USP19: variants seen among roughly 807,000 people sequenced by gnomAD.
The protein encoded by USP19 is ubiquitin carboxyl-terminal hydrolase 19.
A neutral mutation model predicts 144.8 loss-of-function variants in USP19; 40 were observed. The observed-to-expected ratio is 0.28, with a 90% CI of 0.21 to 0.36. USP19 has a LOEUF of 0.36. USP19 is among the 10% of genes least tolerant of loss of function. The pLI is 1.00. For synonymous variants in USP19, 701 were observed against 709.3 expected (o/e 0.99, Z 0.19); for missense variants, 1,518 against 1,822.5 (o/e 0.83, Z 3.04).
chr3:49,119,584 G>C (rs959284557), intron 1 of USP19, among the ~76,000 whole-genome samples: 1 of 152,240 alleles, frequency 6.6e-6, no homozygotes, highest in Non-Finnish European at 1.5e-5. Flanking sequence ...ATCTGGAGAG[G>C]AGCCACGGCT....
chr3:49,108,583 T>G lies in USP19; in HGVS notation c.4039-55A>C. The G allele has an allele frequency of 8.0e-7, 1 of 1,256,124 alleles. No homozygotes were observed. Among genetic ancestry groups the G allele is most frequent in the South Asian group, 2.7e-5 (1 of 36,814 alleles). The allele number at this position is 1,256,124 out of a possible 1,614,324, so 77.8% of individuals were successfully genotyped here. On this transcript the variant is annotated intron_variant, in intron 26 of 26. Transcript: ENST00000417901. This position sits in a 1 kb window ranked among gnomAD's most constrained non-coding sequence, Gnocchi z 4.8. ...GGGCTGCCCAGCATGCCGCCTGGCA[T>G]CCCGGGGGTGCTGGCTTGGAGCCCT...
chr3:49,117,685 T>C lies in USP19; in HGVS notation c.444A>G (p.Thr148=). ...CAAACCGCACCACACAGTCTGTATC[T>C]GTGAAAGCAGCATCTACATCCTCCA... is the stretch of plus-strand genomic sequence containing the variant. ...LQLEDVDAAF[T]DTDCVVRFAG... Residue 148 remains threonine, a synonymous_variant, in exon 4 of 27, where the codon ACA becomes ACG. Transcript: ENST00000417901. The surrounding 1 kb of genome is among the most constrained non-coding windows in gnomAD (Gnocchi z 4.4). 1.2e-6 allele frequency: 2 copies of C among 1,614,186 alleles called. No individual in the cohort carries two copies. The highest frequency in any genetic ancestry group is 1.7e-6 in the Non-Finnish European group (2 of 1,180,028).
rs1387733226 is a variant in USP19, at chr3:49,112,275, G to A, written c.2765+9C>T. 1.2e-6 allele frequency: 2 copies of A among 1,601,664 alleles called. No individual in the cohort carries two copies. The highest frequency in any genetic ancestry group is 1.1e-5 in the South Asian group (1 of 89,478). On this transcript the variant is annotated intron_variant, in intron 19 of 26. Transcript: ENST00000417901. This position sits in a 1 kb window ranked among gnomAD's most constrained non-coding sequence, Gnocchi z 4.9. ...AAGAAAGGGTAGGGGAGACCATGGG[G>A]GTCCTCACTGGTTGCAGTAGCCCAC...
intron 1 of USP19, among the ~76,000 whole-genome samples, chr3:49,120,204 A>G (rs1386815261): frequency 6.6e-6 from 1 of 152,204 alleles, no homozygotes; most frequent in Admixed American, 6.5e-5. Context: ...CCTGGCCTGA[A>G]CCAGTAGCAG....
chr3:49,116,227 G>C lies in USP19; in HGVS notation c.1355+53C>G, dbSNP rs934489794. The C allele has an allele frequency of 7.4e-6, 12 of 1,613,546 alleles. No homozygotes were observed. The African/African-American group carries it at 1.6e-4, about 22-fold the overall frequency. Reference sequence around the variant, plus strand: ...AGCATCAGGATAGATGAGCCAGGGAGATGGAGCCCACGGGGTAGGACAGGC... The same window carrying C: ...AGCATCAGGATAGATGAGCCAGGGACATGGAGCCCACGGGGTAGGACAGGC... On this transcript the variant is annotated intron_variant, in intron 9 of 26. Coordinates refer to ENST00000417901, the MANE Select transcript of USP19 (RefSeq NM_001199161.2). The surrounding 1 kb of genome is among the most constrained non-coding windows in gnomAD (Gnocchi z 5.0).
rs1371151317 is a variant in USP19, at chr3:49,111,870, C to T, written c.2903+41G>A. On this transcript the variant is annotated intron_variant, in intron 20 of 26. Coordinates refer to ENST00000417901, the MANE Select transcript of USP19 (RefSeq NM_001199161.2). The surrounding 1 kb of genome is among the most constrained non-coding windows in gnomAD (Gnocchi z 5.9). ...CTGACCAGCCCATCTAGCACCTCTGCCCCCACCTACACCACTCTAGTCCAA... is the reference window on the plus strand; with the variant it reads ...CTGACCAGCCCATCTAGCACCTCTGTCCCCACCTACACCACTCTAGTCCAA... 9.3e-6 allele frequency: 15 copies of T among 1,609,172 alleles called. No homozygotes were observed. Among genetic ancestry groups the T allele is most frequent in the Admixed American group, 1.7e-5 (1 of 59,672 alleles).
intron 17 of USP19, among the ~76,000 whole-genome samples, chr3:49,113,771 T>A (rs1445580587): frequency 6.6e-6 from 1 of 152,126 alleles, no homozygotes. Context: ...TAATTTTATT[T>A]CTTGTAGAGA....
At position 49,109,519 on chromosome 3, in the gene USP19, C is replaced by G. The variant is rs1315923752; in HGVS notation, c.4038+665G>C. On this transcript the variant is annotated intron_variant, in intron 26 of 26. Coordinates refer to ENST00000417901, the MANE Select transcript of USP19 (RefSeq NM_001199161.2). ...TTCATAGAGAACAGGACTGCCAATC[C>G]CAGAGCAATCTCCTTGCTCCTTCCC... Among the ~76,000 whole-genome samples the G allele has an allele frequency of 5.3e-5, 8 of 152,150 alleles. No homozygotes were observed. In the South Asian group the frequency reaches 1.7e-3, roughly 31 times the overall value.
At position 49,117,101 on chromosome 3, in the gene USP19, G is replaced by C. The variant is rs1487461336; in HGVS notation, c.867C>G (p.Pro289=). 1.3e-6 allele frequency: 2 copies of C among 1,523,356 alleles called. No individual in the cohort carries two copies. The highest frequency in any genetic ancestry group is 4.9e-5 in the East Asian group (2 of 40,462). The allele number at this position is 1,523,356 out of a possible 1,614,324, so 94.4% of individuals were successfully genotyped here. A position where few individuals can be genotyped will look rare whatever the true frequency, so the allele number is the denominator to read the frequency against. The change falls in exon 6 of 27, where the codon CCC becomes CCG. Residue 289 remains proline, a synonymous_variant. Coordinates refer to ENST00000417901, the MANE Select transcript of USP19 (RefSeq NM_001199161.2). The surrounding 1 kb of genome is among the most constrained non-coding windows in gnomAD (Gnocchi z 4.4). ...CCACGAAGGGTGGGGCATCACCCCG[G>C]GGTCCAGGGTCATCCCTGGACCCGT... is the stretch of plus-strand genomic sequence containing the variant. The part of the protein sequence containing the change: ...EGDGSRDDPG[P]RGDAPPFVAD...
chr3:49,118,607 G>A (rs899273974), intron 2 of USP19, among the ~76,000 whole-genome samples: 5 of 151,494 alleles, frequency 3.3e-5, no homozygotes, highest in African/African-American at 1.2e-4. Context: ...AATTAGCCTT[G>A]CGTGGTGGCA....
chr3:49,119,163 ACAGC>A lies in USP19; in HGVS notation c.-22_-19del, dbSNP rs2044707504. 6.2e-7 allele frequency: 1 copy of A among 1,607,708 alleles called. No individual in the cohort carries two copies. Among genetic ancestry groups the A allele is most frequent in the Non-Finnish European group, 8.5e-7 (1 of 1,177,524 alleles). ...CCAGACATCTTGAGCCGCTTGGTCG[ACAGC>A]CAGAGTGCCCCGGGGTCGGCAACAG... On this transcript the variant is annotated 5_prime_UTR_variant, in exon 2 of 27. Coordinates refer to ENST00000417901, the MANE Select transcript of USP19 (RefSeq NM_001199161.2).
chr3:49,112,192 CT>C lies in USP19; in HGVS notation c.2765+91del. 6.5e-7 allele frequency: 1 copy of C among 1,546,098 alleles called. No homozygotes were observed. Among genetic ancestry groups the C allele is most frequent in the South Asian group, 1.2e-5 (1 of 84,262 alleles). ...GTAAAGTAGGGTGGCAAGTAGAAAGCTTAAGCATATGTGCCTTGGTGTGAAG... is the reference window on the plus strand; with the variant it reads ...GTAAAGTAGGGTGGCAAGTAGAAAGCTAAGCATATGTGCCTTGGTGTGAAG... On this transcript the variant is annotated intron_variant, in intron 19 of 26. Coordinates refer to ENST00000417901, the MANE Select transcript of USP19 (RefSeq NM_001199161.2). The surrounding 1 kb of genome is among the most constrained non-coding windows in gnomAD (Gnocchi z 4.9).
Position 49,112,699 on chromosome 3 carries a change from G to T in USP19, c.2506-70C>A. On this transcript the variant is annotated intron_variant, in intron 17 of 26. Transcript: ENST00000417901. The surrounding 1 kb of genome is among the most constrained non-coding windows in gnomAD (Gnocchi z 4.9). ...TCCCTAGCCCTGCCCCAGAGTTTAA[G>T]AAGGCTTGGCCCTGCCTTGGGTCTA... The T allele has an allele frequency of 6.4e-7, 1 of 1,556,116 alleles. No homozygotes were observed.
chr3:49,109,229 G>A (rs761953470), intron 26 of USP19: 2 of 1,451,264 alleles, frequency 1.4e-6, no homozygotes, highest in Non-Finnish European at 9.1e-7. Context: ...GGGGTGGGGA[G>A]GACCCAGTGT....
Position 49,110,866 on chromosome 3 carries a change from G to A in USP19, c.3546-3C>T. ...GCTGTTTGCACTGTGGGCAGTACCT[G>A]GTGGGGACAGAGATTGGGTCAGGAC... On this transcript the variant is annotated splice_region_variant and splice_polypyrimidine_tract_variant and intron_variant, in intron 23 of 26. Transcript: ENST00000417901. The surrounding 1 kb of genome is among the most constrained non-coding windows in gnomAD (Gnocchi z 6.1). 1.2e-6 allele frequency: 2 copies of A among 1,614,172 alleles called. No homozygotes were observed. The highest frequency in any genetic ancestry group is 1.7e-6 in the Non-Finnish European group (2 of 1,180,040).
chr3:49,109,120 C>T, intron 26 of USP19: 1 of 1,558,834 alleles, frequency 6.4e-7, no homozygotes, highest in Non-Finnish European at 8.7e-7. Flanking sequence ...CCCAGGGACC[C>T]AGGGGCCCAG....
chr3:49,109,026 C>G, intron 26 of USP19: 2 of 1,613,552 alleles, frequency 1.2e-6, no homozygotes, highest in Non-Finnish European at 1.7e-6. Context: ...AAAGCCGCCA[C>G]GGTGCCCAGG....
In USP19 at chr3:49,114,187, C is replaced by T. The variant is rs1206558958; in HGVS notation, c.2390G>A (p.Ser797Asn). Residue 797 changes from serine to asparagine, a missense_variant, in exon 16 of 27, where the codon AGC becomes AAC. Physicochemically the swap from Ser to Asn is conservative, Grantham distance 46. Transcript: ENST00000417901. The surrounding 1 kb of genome is among the most constrained non-coding windows in gnomAD (Gnocchi z 4.5). ...CTTACTCCTCACCTTGATGGGCTTG[C>T]TGTGGGGCTCTCGGGCAAAATAAAA... ...PVFYFAREPH[S>N]KPIKFLVSVS... 2.5e-6 allele frequency: 4 copies of T among 1,614,202 alleles called. No homozygotes were observed. The Admixed American group carries it at 6.7e-5, about 27-fold the overall frequency.
chr3:49,111,214 G>T lies in USP19; in HGVS notation c.3328+41C>A. ...GTCATGCAGCTGTGGAGAACAGCCAGCTCAACCCACCCCATGGCTCCCACC... is the reference window on the plus strand; with the variant it reads ...GTCATGCAGCTGTGGAGAACAGCCATCTCAACCCACCCCATGGCTCCCACC... On this transcript the variant is annotated intron_variant, in intron 22 of 26. Transcript: ENST00000417901. This position sits in a 1 kb window ranked among gnomAD's most constrained non-coding sequence, Gnocchi z 5.9. 1 of 1,614,004 alleles carries T rather than the reference G, an allele frequency of 6.2e-7. No homozygotes were observed. Among genetic ancestry groups the T allele is most frequent in the Non-Finnish European group, 8.5e-7 (1 of 1,179,940 alleles).
Sources: allele counts gnomAD v4.1 joint callset (sites outside exome capture counted in the v4.1 genomes callset), GRCh38; gene constraint gnomAD v4.1.1; non-coding constraint Gnocchi (gnomAD v3.1); transcripts MANE v1.5; gene names NCBI Gene and HGNC (gene_info 2026-07-23, HGNC 2026-07-21).